NKAIN2: variants seen among roughly 807,000 people sequenced by gnomAD.
The protein encoded by NKAIN2 is sodium/potassium-transporting ATPase subunit beta-1-interacting protein 2.
Under a neutral mutation model 32.6 loss-of-function variants are expected in NKAIN2, and 14 were observed. That is an observed-to-expected ratio of 0.43 (90% CI 0.28 to 0.67). NKAIN2 has a LOEUF of 0.67. NKAIN2 is among the 30% of genes least tolerant of loss of function. The probability of loss-of-function intolerance (pLI) is 0.17; values close to 1 mark genes in which losing one functional copy is unlikely to be tolerated. For missense variants in NKAIN2, 198 were observed against 258.3 expected (o/e 0.77, Z 1.60); for synonymous variants, 80 against 87.2 (o/e 0.92, Z 0.46).
intron 3 of NKAIN2, among the ~76,000 whole-genome samples, chr6:124,478,385 G>A (rs1019155760): frequency 1.3e-5 from 2 of 152,124 alleles, no homozygotes; most frequent in African/African-American, 4.8e-5. Flanking sequence ...AAGGAGCCAG[G>A]GCTCCTTGGA....
At chr6:124,179,182 T>C (rs1159757609) in intron 1 of NKAIN2, among the ~76,000 whole-genome samples, 1 of 152,228 alleles carries the variant, frequency 6.6e-6, no homozygotes, top group South Asian at 2.1e-4. Flanking sequence ...AATTAGATCT[T>C]AGTAGAAAAT....
At chr6:123,938,451 TACAC>T (rs1359472284) in intron 1 of NKAIN2, among the ~76,000 whole-genome samples, 3 of 81,298 alleles carry the variant, frequency 3.7e-5, no homozygotes, top group Non-Finnish European at 6.7e-5. Flanking sequence ...TATATATATA[TACAC>T]ACACACACAC....
At chr6:123,957,384 C>A (rs1257062668) in intron 1 of NKAIN2, among the ~76,000 whole-genome samples, 5 of 152,092 alleles carry the variant, frequency 3.3e-5, no homozygotes, top group Non-Finnish European at 1.5e-5. Context: ...TTTGTATCAT[C>A]AGCATCTAGC....
chr6:124,024,477 G>A (rs2114768605), intron 1 of NKAIN2, among the ~76,000 whole-genome samples: 1 of 152,118 alleles, frequency 6.6e-6, no homozygotes, highest in South Asian at 2.1e-4. Context: ...AAAAAATAAA[G>A]AAAGGGGAAA....
At chr6:124,002,327 G>T (rs555203548) in intron 1 of NKAIN2, among the ~76,000 whole-genome samples, 3 of 152,100 alleles carry the variant, frequency 2.0e-5, no homozygotes, top group Non-Finnish European at 4.4e-5. Context: ...TGTTAAGAGT[G>T]AAATGAATGG....
chr6:124,537,927 T>A (rs552391914), intron 3 of NKAIN2, among the ~76,000 whole-genome samples: 1 of 152,328 alleles, frequency 6.6e-6, no homozygotes, highest in Non-Finnish European at 1.5e-5. Context: ...TCTTTTTAAT[T>A]ACCTTTAATA....
intron 3 of NKAIN2, among the ~76,000 whole-genome samples, chr6:124,478,325 G>T (rs1002688677): frequency 2.0e-5 from 3 of 152,132 alleles, no homozygotes; most frequent in African/African-American, 7.2e-5. Flanking sequence ...AAAATTAAAT[G>T]GTATACCCAG....
At chr6:123,887,297 G>T (rs979127943) in intron 1 of NKAIN2, among the ~76,000 whole-genome samples, 1 of 152,112 alleles carries the variant, frequency 6.6e-6, no homozygotes, top group Non-Finnish European at 1.5e-5. Flanking sequence ...TCTACACTCA[G>T]ATATGACATG....
chr6:123,925,259 T>C (rs555417923), intron 1 of NKAIN2, among the ~76,000 whole-genome samples: 1 of 152,298 alleles, frequency 6.6e-6, no homozygotes, highest in Admixed American at 6.5e-5. Flanking sequence ...AATGCTAAGT[T>C]TGAATATAAA....
At chr6:124,407,401 T>G (rs2114479904) in intron 3 of NKAIN2, among the ~76,000 whole-genome samples, 1 of 148,282 alleles carries the variant, frequency 6.7e-6, no homozygotes, top group Non-Finnish European at 1.5e-5. Flanking sequence ...TGTGTCCTTG[T>G]GTTCTCATTG....
intron 3 of NKAIN2, among the ~76,000 whole-genome samples, chr6:124,609,353 T>A (rs1782606486): frequency 6.6e-6 from 1 of 152,182 alleles, no homozygotes; most frequent in Non-Finnish European, 1.5e-5. Flanking sequence ...TCAGTTTTAC[T>A]TTATTTTTTC....
At chr6:123,858,576 A>G (rs1327375113) in intron 1 of NKAIN2, among the ~76,000 whole-genome samples, 1 of 152,238 alleles carries the variant, frequency 6.6e-6, no homozygotes, top group Non-Finnish European at 1.5e-5. Flanking sequence ...TCATTAAAGC[A>G]GAAAGTACTG....
intron 3 of NKAIN2, among the ~76,000 whole-genome samples, chr6:124,492,732 CTTAT>C (rs1455709478): frequency 5.3e-5 from 8 of 151,818 alleles, no homozygotes; most frequent in African/African-American, 1.7e-4. Flanking sequence ...GTAAAATAAC[CTTAT>C]TTAACAAATG....
At chr6:124,498,202 G>A (rs1778142666) in intron 3 of NKAIN2, among the ~76,000 whole-genome samples, 1 of 152,150 alleles carries the variant, frequency 6.6e-6, no homozygotes, top group Admixed American at 6.6e-5. Flanking sequence ...TGTGAGTCAG[G>A]TGATGTGTAG....
intron 1 of NKAIN2, among the ~76,000 whole-genome samples, chr6:124,238,299 A>G (rs1335276609): frequency 1.3e-5 from 2 of 152,136 alleles, no homozygotes; most frequent in African/African-American, 4.8e-5. Context: ...CATTAAAAAT[A>G]TATAATCTTA....
chr6:123,897,485 T>C (rs1774342113), intron 1 of NKAIN2, among the ~76,000 whole-genome samples: 1 of 152,142 alleles, frequency 6.6e-6, no homozygotes, highest in African/African-American at 2.4e-5. Context: ...GACTCTTTAT[T>C]CACACTTCAA....
Position 124,398,252 on chromosome 6 carries a change from C to CAAAAAAAAAAAAAAAAAAAA in NKAIN2, c.273+42916_273+42935dup, listed in dbSNP as rs869039720. On this transcript the variant is annotated intron_variant, in intron 3 of 6. Coordinates refer to ENST00000368417, the MANE Select transcript of NKAIN2 (RefSeq NM_001040214.3). ...TGGGTGACAGAGAGAGACTGCATCT[C>CAAAAAAAAAAAAAAAAAAAA]AAAAAAAAAAAAAAAAAAAAAAAAA... Among the ~76,000 whole-genome samples the CAAAAAAAAAAAAAAAAAAAA allele has an allele frequency of 8.8e-4, 61 of 69,060 alleles. 1 individual carries two copies. The highest frequency in any genetic ancestry group is 2.2e-3 in the African/African-American group (28 of 12,918). 45.3% of individuals were successfully genotyped at this position (69,060 alleles called of 152,430 possible). A position where few individuals can be genotyped will look rare whatever the true frequency, so the allele number is the denominator to read the frequency against.
intron 4 of NKAIN2, among the ~76,000 whole-genome samples, chr6:124,722,839 A>G (rs577925675): frequency 2.6e-5 from 4 of 152,304 alleles, no homozygotes; most frequent in Admixed American, 6.5e-5. Context: ...TTGTCAACAC[A>G]TTACTTTCTG....
chr6:124,356,842 C>T (rs1799007685), intron 3 of NKAIN2, among the ~76,000 whole-genome samples: 1 of 152,122 alleles, frequency 6.6e-6, no homozygotes, highest in African/African-American at 2.4e-5. Flanking sequence ...ATGATATTTT[C>T]AATTTTAAAT....
Sources: gnomAD v4.1 joint callset for allele counts (sites outside exome capture counted in the v4.1 genomes callset) on GRCh38, gnomAD v4.1.1 for gene constraint, MANE v1.5 for transcripts, NCBI Gene and HGNC (gene_info 2026-07-23, HGNC 2026-07-21) for gene names.